ANXA4: variants seen among roughly 807,000 people sequenced by gnomAD.
ANXA4 encodes the protein 35-beta calcimedin.
Under a neutral mutation model 49.8 loss-of-function variants are expected in ANXA4, and 39 were observed. The ratio of observed to expected loss-of-function variants is 0.78; its 90% CI spans 0.61 to 1.02. ANXA4 has a LOEUF of 1.02. Ranked by LOEUF, ANXA4 falls within the 50% of genes least tolerant of loss-of-function variation. ANXA4 has a pLI of 0.00. For synonymous variants in ANXA4, 134 were observed against 152.5 expected, an observed-to-expected ratio of 0.88 and a Z score of 0.89; for missense variants, 360 against 410.1, an observed-to-expected ratio of 0.88 and a Z score of 1.05.
Position 69,672,076 on chromosome 2 carries a change from T to A in ANXA4, n.766+18794T>A, listed in dbSNP as rs181560985. 6.3e-3 allele frequency among the ~76,000 whole-genome samples: 955 copies of A among 152,304 alleles called. 21 individuals carry two copies. The highest frequency in any genetic ancestry group is 0.011 in the East Asian group (57 of 5,186). ...AAATGATCTTAAAACATTGTTTTTA[T>A]AGCAAACAAACAAATATAATTGGAA... On this transcript the variant is annotated intron_variant and non_coding_transcript_variant, in intron 2 of 3. Coordinates refer to the ANXA4 transcript ENST00000418066.
At chr2:69,771,440 A>G (rs1189399941) in intron 1 of ANXA4, among the ~76,000 whole-genome samples, 2 of 152,232 alleles carry the variant, frequency 1.3e-5, no homozygotes, top group Non-Finnish European at 2.9e-5. Flanking sequence ...GCTTCAACCC[A>G]GGAGCCGTTC....
At chr2:69,714,887 A>G (rs1678825209) in intron 2 of ANXA4, among the ~76,000 whole-genome samples, 1 of 152,210 alleles carries the variant, frequency 6.6e-6, no homozygotes, top group African/African-American at 2.4e-5. Context: ...ATACCTCATC[A>G]GATCTGTTCA....
chr2:69,798,119 A>G (rs1395374838), intron 3 of ANXA4, among the ~76,000 whole-genome samples: 1 of 152,182 alleles, frequency 6.6e-6, no homozygotes, highest in East Asian at 1.9e-4. Context: ...AAACAGCCTA[A>G]GTGGACAGAG....
rs114709257 is a variant in ANXA4 at position 69,784,913 on chromosome 2, G to A, written c.10-3141G>A. Reference sequence around the variant, plus strand: ...ACATCTTCTTATAAGGACACCAGTCGTATTGGATTAGGGGCCCACCCTACA... The same window carrying A: ...ACATCTTCTTATAAGGACACCAGTCATATTGGATTAGGGGCCCACCCTACA... On this transcript the variant is annotated intron_variant, in intron 2 of 12. Transcript: ENST00000394295. Among the ~76,000 whole-genome samples, 1,019 of 152,240 alleles carry A rather than the reference G, an allele frequency of 6.7e-3. 8 individuals are homozygous for A. The highest frequency in any genetic ancestry group is 0.024 in the African/African-American group (980 of 41,534).
chr2:69,698,049 A>G (rs1678214246), intron 2 of ANXA4, among the ~76,000 whole-genome samples: 1 of 152,000 alleles, frequency 6.6e-6, no homozygotes, highest in Non-Finnish European at 1.5e-5. Context: ...TTTCTCACAG[A>G]TCTGGAGGCC....
intron 2 of ANXA4, among the ~76,000 whole-genome samples, chr2:69,673,452 A>G (rs1487664700): frequency 7.0e-6 from 1 of 142,832 alleles, no homozygotes; most frequent in Non-Finnish European, 1.5e-5. Context: ...GAGTTGAACA[A>G]TGAGAACACA....
chr2:69,748,821 C>T (rs1254294414), intron 1 of ANXA4, among the ~76,000 whole-genome samples: 3 of 151,894 alleles, frequency 2.0e-5, no homozygotes, highest in African/African-American at 4.8e-5. Context: ...GGGGATCCTC[C>T]CATCTCAGCC....
chr2:69,768,038 T>A (rs1250059269), intron 1 of ANXA4, among the ~76,000 whole-genome samples: 1 of 152,084 alleles, frequency 6.6e-6, no homozygotes, highest in Non-Finnish European at 1.5e-5. Context: ...TATATGCGAG[T>A]ATATATTATA....
chr2:69,657,902 A>T (rs191002450), intron 2 of ANXA4, among the ~76,000 whole-genome samples: 45 of 152,286 alleles, frequency 3.0e-4, no homozygotes, highest in African/African-American at 9.6e-4. Context: ...CTATTTAAAA[A>T]TTTTTTATAG....
intron 1 of ANXA4, 171 bp from the exon 2 acceptor site, chr2:69,781,349 T>A (rs1559185213): frequency 1.7e-6 from 1 of 605,654 alleles, no homozygotes. Flanking sequence ...TTTAACAGTT[T>A]CTCTAATTAG....
chr2:69,761,597 T>G (rs1015724265), intron 1 of ANXA4, among the ~76,000 whole-genome samples: 2 of 152,094 alleles, frequency 1.3e-5, no homozygotes, highest in Admixed American at 1.3e-4. Context: ...CTCCACTCAA[T>G]TGTACATCAG....
intron 8 of ANXA4, among the ~76,000 whole-genome samples, chr2:69,813,250 T>A (rs941608731): frequency 2.7e-5 from 3 of 110,214 alleles, no homozygotes; most frequent in Admixed American, 1.2e-4. Context: ...TGTTCTAAAA[T>A]TTTTTTTTTT....
chr2:69,716,645 G>A (rs1008758980), intron 2 of ANXA4, among the ~76,000 whole-genome samples: 1 of 152,112 alleles, frequency 6.6e-6, no homozygotes, highest in African/African-American at 2.4e-5. Flanking sequence ...GGGAGAACGG[G>A]TCTGAGAGAC....
At chr2:69,757,958 CAAAAA>C (rs11296004) in intron 1 of ANXA4, among the ~76,000 whole-genome samples, 5 of 95,132 alleles carry the variant, frequency 5.3e-5, no homozygotes, top group Admixed American at 2.1e-4. Flanking sequence ...GACTTTGTCT[CAAAAA>C]AAAAAAAAAA....
chr2:69,736,579 T>C (rs1014180796), intron 3 of ANXA4, among the ~76,000 whole-genome samples: 2 of 152,354 alleles, frequency 1.3e-5, no homozygotes, highest in South Asian at 4.1e-4. Flanking sequence ...CAGTTGTTCA[T>C]TCTGCTATTC....
chr2:69,820,685 G>A lies in ANXA4; in HGVS notation c.784-14G>A, dbSNP rs370523534. ...AGGTTTTTGTATATGTTTGGATTTC[G>A]TTTTCTTCCTTAGGGCTTGGGCACC... On this transcript the variant is annotated splice_polypyrimidine_tract_variant and intron_variant, in intron 11 of 12. Transcript: ENST00000394295. The A allele has an allele frequency of 8.7e-6, 14 of 1,612,820 alleles. No homozygotes were observed. Among genetic ancestry groups the A allele is most frequent in the South Asian group, 4.4e-5 (4 of 90,910 alleles).
chr2:69,661,865 G>A (rs574836182), intron 2 of ANXA4, among the ~76,000 whole-genome samples: 1 of 152,256 alleles, frequency 6.6e-6, no homozygotes. Flanking sequence ...ACTGCACAGC[G>A]GCCACTGTCC....
At chr2:69,693,282 G>A (rs919731866) in intron 2 of ANXA4, among the ~76,000 whole-genome samples, 1 of 152,090 alleles carries the variant, frequency 6.6e-6, no homozygotes, top group Admixed American at 6.6e-5. Context: ...GGACTTCAAA[G>A]GGAAACTGTA....
At chr2:69,676,100 T>C (rs969879254) in intron 2 of ANXA4, among the ~76,000 whole-genome samples, 4 of 151,790 alleles carry the variant, frequency 2.6e-5, no homozygotes, top group African/African-American at 9.7e-5. Context: ...AAAGAAGTTT[T>C]AAAAAACTAA....
Sources: allele counts gnomAD v4.1 joint callset (sites outside exome capture counted in the v4.1 genomes callset), GRCh38; gene constraint gnomAD v4.1.1; transcripts MANE v1.5; gene names NCBI Gene and HGNC (gene_info 2026-07-23, HGNC 2026-07-21).